Variants in PPM1L observed in about 807,000 individuals in gnomAD.
The protein encoded by PPM1L is protein phosphatase 1L.
A neutral mutation model predicts 31.4 loss-of-function variants in PPM1L; 13 were observed. The observed-to-expected ratio is 0.41, with a 90% CI of 0.27 to 0.66. The LOEUF is 0.66. Among genes scored for constraint, PPM1L ranks in the 30% least tolerant of loss-of-function variants. PPM1L has a pLI of 0.29. For missense variants in PPM1L, 326 were observed against 453.7 expected (o/e 0.72, Z 2.56); for synonymous variants, 184 against 175.4 (o/e 1.05, Z -0.39).
At chr3:160,989,634 T>A (rs1190204580) in intron 2 of PPM1L, among the ~76,000 whole-genome samples, 1 of 152,148 alleles carries the variant, frequency 6.6e-6, no homozygotes, top group Admixed American at 6.5e-5. Context: ...AGTGCTAGGG[T>A]CACAGGCGTG....
Position 160,920,615 on chromosome 3 carries a change from TCA to T in PPM1L, c.400-41099_400-41098del, listed in dbSNP as rs1162244272. Among the ~76,000 whole-genome samples, 575 of 28,686 alleles carry T rather than the reference TCA, an allele frequency of 0.02. 24 individuals carry two copies. The East Asian group carries it at 0.22, about 11-fold the overall frequency. 18.8% of individuals were successfully genotyped at this position (28,686 alleles called of 152,430 possible). ...CTCTCTCTCTCTCTCTCTCTCTCTC[TCA>T]CACACACACACACACACACACTCAC... On this transcript the variant is annotated intron_variant, in intron 1 of 3. Coordinates refer to ENST00000498165, the MANE Select transcript of PPM1L (RefSeq NM_139245.4).
At chr3:160,766,198 CA>C (rs1417552129) in intron 1 of PPM1L, among the ~76,000 whole-genome samples, 1 of 147,862 alleles carries the variant, frequency 6.8e-6, no homozygotes, top group Admixed American at 6.8e-5. Flanking sequence ...TTTATATAGG[CA>C]AAAATCATGC....
intron 2 of PPM1L, among the ~76,000 whole-genome samples, chr3:161,062,644 A>G (rs533438546): frequency 3.4e-4 from 52 of 152,220 alleles, no homozygotes; most frequent in Middle Eastern, 3.4e-3. Context: ...TATGGGACTA[A>G]ATTTTATTTT....
At chr3:160,852,396 C>G (rs538688878) in intron 1 of PPM1L, among the ~76,000 whole-genome samples, 38 of 152,254 alleles carry the variant, frequency 2.5e-4, no homozygotes, top group African/African-American at 7.5e-4. Context: ...TTTAATGAAG[C>G]ATGTTAATGT....
intron 2 of PPM1L, among the ~76,000 whole-genome samples, chr3:161,039,854 G>A (rs573249302): frequency 2.0e-5 from 3 of 152,244 alleles, no homozygotes; most frequent in East Asian, 3.9e-4. Context: ...AACTTCTTCC[G>A]TGTGGCAAAT....
chr3:161,053,784 G>A (rs960224091), intron 2 of PPM1L, among the ~76,000 whole-genome samples: 9 of 152,106 alleles, frequency 5.9e-5, no homozygotes, highest in Non-Finnish European at 1.3e-4. Context: ...TGTTTGCTGG[G>A]GAAGAGCCAA....
intron 1 of PPM1L, among the ~76,000 whole-genome samples, chr3:160,926,630 G>C (rs1275184410): frequency 6.6e-6 from 1 of 152,178 alleles, no homozygotes; most frequent in Non-Finnish European, 1.5e-5. Context: ...TCTGTTAGCT[G>C]TGCTGACTAT....
intron 1 of PPM1L, among the ~76,000 whole-genome samples, chr3:160,900,107 G>T (rs549152812): frequency 6.6e-6 from 1 of 151,932 alleles, no homozygotes; most frequent in East Asian, 1.9e-4. Flanking sequence ...CATCTTTGCT[G>T]TATTTTTTTT....
intron 1 of PPM1L, among the ~76,000 whole-genome samples, chr3:160,801,880 T>C (rs1712437613): frequency 6.6e-6 from 1 of 152,170 alleles, no homozygotes; most frequent in African/African-American, 2.4e-5. Flanking sequence ...AGTTTGAACT[T>C]ATATAGTCAT....
chr3:160,886,648 A>C (rs1712926467), intron 1 of PPM1L, among the ~76,000 whole-genome samples: 2 of 152,300 alleles, frequency 1.3e-5, no homozygotes, highest in African/African-American at 4.8e-5. Context: ...AAGACAACAG[A>C]AAGCCACAAC....
At chr3:160,846,889 G>C (rs1329966647) in intron 1 of PPM1L, among the ~76,000 whole-genome samples, 2 of 151,922 alleles carry the variant, frequency 1.3e-5, no homozygotes, top group African/African-American at 4.8e-5. Flanking sequence ...AGTTTTTTAT[G>C]TGTAGCTTAC....
At chr3:160,825,636 A>G (rs931448325) in intron 1 of PPM1L, among the ~76,000 whole-genome samples, 3 of 152,164 alleles carry the variant, frequency 2.0e-5, no homozygotes, top group African/African-American at 4.8e-5. Context: ...CTTTGTTATT[A>G]TTTTGCCTGG....
chr3:160,970,637 T>C (rs1028187005), intron 2 of PPM1L, among the ~76,000 whole-genome samples: 5 of 151,760 alleles, frequency 3.3e-5, no homozygotes, highest in East Asian at 2.0e-4. Flanking sequence ...TTTTATTTTT[T>C]TGGTAGAGAT....
At chr3:161,010,721 T>C (rs1351638890) in intron 2 of PPM1L, among the ~76,000 whole-genome samples, 4 of 152,240 alleles carry the variant, frequency 2.6e-5, no homozygotes, top group African/African-American at 9.6e-5. Flanking sequence ...CCTTTCTAAC[T>C]GGTGTGAGAT....
chr3:160,895,952 T>C, intron 1 of PPM1L, among the ~76,000 whole-genome samples: 1 of 152,180 alleles, frequency 6.6e-6, no homozygotes, highest in East Asian at 1.9e-4. Context: ...GATTTCTCTT[T>C]TGTCTTTTCT....
intron 1 of PPM1L, among the ~76,000 whole-genome samples, chr3:160,944,970 T>G (rs1715333066): frequency 1.4e-5 from 1 of 69,628 alleles, no homozygotes; most frequent in African/African-American, 4.6e-5. Context: ...ATAACATATA[T>G]TATATATAAC....
At chr3:160,888,467 A>T (rs1307359177) in intron 1 of PPM1L, among the ~76,000 whole-genome samples, 1 of 152,362 alleles carries the variant, frequency 6.6e-6, no homozygotes, top group East Asian at 1.9e-4. Context: ...AAACAATTCA[A>T]CAAGAAGGGC....
chr3:160,988,052 G>C (rs1336779032), intron 2 of PPM1L, among the ~76,000 whole-genome samples: 1 of 152,128 alleles, frequency 6.6e-6, no homozygotes, highest in Admixed American at 6.5e-5. Flanking sequence ...GGGATCTCTA[G>C]AGTAGACACT....
chr3:160,760,038 G>A (rs981229723), intron 1 of PPM1L, among the ~76,000 whole-genome samples: 1 of 152,188 alleles, frequency 6.6e-6, no homozygotes, highest in African/African-American at 2.4e-5. Context: ...TCAAGGGAGA[G>A]AGACTCTTCC....
Sources: allele counts gnomAD v4.1 joint callset (sites outside exome capture counted in the v4.1 genomes callset), GRCh38; gene constraint gnomAD v4.1.1; transcripts MANE v1.5; gene names NCBI Gene and HGNC (gene_info 2026-07-23, HGNC 2026-07-21).